MLLT3: variants seen among roughly 807,000 people sequenced by gnomAD.
MLLT3 encodes the protein protein AF-9.
Under a neutral mutation model 53.2 loss-of-function variants are expected in MLLT3, and 4 were observed. The ratio of observed to expected loss-of-function variants is 0.08; its 90% CI spans 0.04 to 0.17. The LOEUF is 0.17. Among genes scored for constraint, MLLT3 ranks in the 10% least tolerant of loss-of-function variants. The pLI, the probability that MLLT3 is intolerant of heterozygous loss-of-function variation, is 1.00. For synonymous variants in MLLT3, 283 were observed against 230.6 expected, an observed-to-expected ratio of 1.23 and a Z score of -2.06; for missense variants, 569 against 684.0, an observed-to-expected ratio of 0.83 and a Z score of 1.87.
rs548837193 is a variant in MLLT3 at position 20,466,054 on chromosome 9, T to C, written c.194-9268A>G. 3.3e-5 allele frequency among the ~76,000 whole-genome samples: 5 copies of C among 152,118 alleles called. No homozygotes were observed. The East Asian group carries it at 7.7e-4, about 23-fold the overall frequency. On this transcript the variant is annotated intron_variant, in intron 2 of 10. Coordinates refer to ENST00000380338, the MANE Select transcript of MLLT3 (RefSeq NM_004529.4). ...TTTAAGTGATTCTACAAAAAGGGTA[T>C]TTGTCCCAAACAATGAAAAACTGAA...
At chr9:20,378,189 T>A (rs1376899043) in intron 5 of MLLT3, among the ~76,000 whole-genome samples, 1 of 152,108 alleles carries the variant, frequency 6.6e-6, no homozygotes, top group Non-Finnish European at 1.5e-5. Context: ...AACTTATTCT[T>A]GTACATAATA....
intron 4 of MLLT3, among the ~76,000 whole-genome samples, chr9:20,434,611 G>A (rs1481841649): frequency 6.6e-6 from 1 of 152,160 alleles, no homozygotes; most frequent in Non-Finnish European, 1.5e-5. Flanking sequence ...ATCCTAAGAG[G>A]AATCGAAATG....
At chr9:20,460,417 T>G (rs1345963121) in intron 2 of MLLT3, among the ~76,000 whole-genome samples, 1 of 152,252 alleles carries the variant, frequency 6.6e-6, no homozygotes, top group Admixed American at 6.5e-5. Context: ...CATGTTCTAT[T>G]ATATGCATAT....
At chr9:20,429,152 G>T (rs1278422878) in intron 4 of MLLT3, among the ~76,000 whole-genome samples, 2 of 152,096 alleles carry the variant, frequency 1.3e-5, no homozygotes, top group Non-Finnish European at 2.9e-5. Context: ...GTGCTCTCTT[G>T]AGGCCAGAAG....
rs2131218138 is a variant in MLLT3 at position 20,620,212 on chromosome 9, C to A, written c.193+442G>T. ...GAACAATAACTACATCCAATACATT[C>A]TTTGCTAATAACACAGGTAAATCTT... On this transcript the variant is annotated intron_variant, in intron 2 of 10. Transcript: ENST00000380338. This position sits in a 1 kb window ranked among gnomAD's most constrained non-coding sequence, Gnocchi z 6.1. Among the ~76,000 whole-genome samples, 1 of 151,766 alleles carries A rather than the reference C, an allele frequency of 6.6e-6. No homozygotes were observed. Among genetic ancestry groups the A allele is most frequent in the South Asian group, 2.1e-4 (1 of 4,808 alleles).
chr9:20,421,178 C>T (rs1822999314), intron 4 of MLLT3, among the ~76,000 whole-genome samples: 1 of 152,100 alleles, frequency 6.6e-6, no homozygotes, highest in Admixed American at 6.5e-5. Flanking sequence ...GCAGGAAAAT[C>T]ACTTAAACCT....
chr9:20,450,876 G>T (rs147485317), intron 3 of MLLT3, among the ~76,000 whole-genome samples: 2,182 of 152,196 alleles, frequency 0.014, 25 homozygotes, highest in Non-Finnish European at 0.023. Flanking sequence ...CATGTAACTG[G>T]GAGCATAAAC....
At chr9:20,473,025 C>T (rs1586976075) in intron 2 of MLLT3, among the ~76,000 whole-genome samples, 2 of 151,990 alleles carry the variant, frequency 1.3e-5, no homozygotes, top group East Asian at 3.8e-4. Context: ...TTTAGAAATA[C>T]CAGTTTTTGG....
intron 2 of MLLT3, among the ~76,000 whole-genome samples, chr9:20,542,911 G>C (rs1818680494): frequency 6.6e-6 from 1 of 152,230 alleles, no homozygotes; most frequent in Admixed American, 6.5e-5. Flanking sequence ...ACTTGCTGCA[G>C]CTTCTACGTC....
In MLLT3 at chr9:20,363,562, A is replaced by G. The variant is rs750700194; in HGVS notation, c.1245T>C (p.Asn415=). ...CCTCCACTTCATCTGATTCCTCCTCATTGTCATCAGAATGCAGATCTTTCA... is the reference window on the plus strand; with the variant it reads ...CCTCCACTTCATCTGATTCCTCCTCGTTGTCATCAGAATGCAGATCTTTCA... The part of the protein sequence containing the change: ...SIMKDLHSDD[N]EEESDEVEDN... Residue 415 remains asparagine, a synonymous_variant, in exon 7 of 11, where the codon AAT becomes AAC. Coordinates refer to ENST00000380338, the MANE Select transcript of MLLT3 (RefSeq NM_004529.4). The G allele has an allele frequency of 6.2e-7, 1 of 1,613,942 alleles. No homozygotes were observed. The highest frequency in any genetic ancestry group is 8.5e-7 in the Non-Finnish European group (1 of 1,179,898).
At chr9:20,600,145 C>CAAA (rs11446057) in intron 2 of MLLT3, among the ~76,000 whole-genome samples, 30 of 145,640 alleles carry the variant, frequency 2.1e-4, no homozygotes, top group African/African-American at 7.6e-4. Flanking sequence ...AAACAAAAAA[C>CAAA]AAAAAAAAAA....
intron 2 of MLLT3, among the ~76,000 whole-genome samples, chr9:20,506,301 G>A (rs1265807376): frequency 3.3e-5 from 5 of 152,072 alleles, no homozygotes; most frequent in East Asian, 3.9e-4. Flanking sequence ...TCAGCCTCCC[G>A]AAGTGCTGGG....
At chr9:20,409,653 C>T (rs544093436) in intron 5 of MLLT3, among the ~76,000 whole-genome samples, 16 of 152,226 alleles carry the variant, frequency 1.1e-4, no homozygotes, top group African/African-American at 3.1e-4. Flanking sequence ...TTAACAAAAA[C>T]ATTCCCCTAT....
At chr9:20,379,614 G>A (rs991980622) in intron 5 of MLLT3, among the ~76,000 whole-genome samples, 3 of 152,158 alleles carry the variant, frequency 2.0e-5, no homozygotes, top group African/African-American at 4.8e-5. Context: ...TCCCCTTAGG[G>A]AGAAATATTT....
intron 2 of MLLT3, among the ~76,000 whole-genome samples, chr9:20,484,676 G>C (rs1277782944): frequency 6.6e-6 from 1 of 152,056 alleles, no homozygotes; most frequent in Non-Finnish European, 1.5e-5. Context: ...CATGAAATTT[G>C]CTTCTTTGTC....
rs1038093759 is a variant in MLLT3, at chr9:20,409,022, A to T, written c.1125+4699T>A. ...CCTTCAAGAAGGTTTTCTCCAAGAAAACCCCTTGGTAAGCTCCAACTATCA... is the reference window on the plus strand; with the variant it reads ...CCTTCAAGAAGGTTTTCTCCAAGAATACCCCTTGGTAAGCTCCAACTATCA... On this transcript the variant is annotated intron_variant, in intron 5 of 10. Coordinates refer to ENST00000380338, the MANE Select transcript of MLLT3 (RefSeq NM_004529.4). 4.6e-5 allele frequency among the ~76,000 whole-genome samples: 7 copies of T among 152,150 alleles called. No homozygotes were observed. In the East Asian group the frequency reaches 1.3e-3, roughly 29 times the overall value.
At chr9:20,486,584 C>T (rs932248386) in intron 2 of MLLT3, among the ~76,000 whole-genome samples, 16 of 152,234 alleles carry the variant, frequency 1.1e-4, no homozygotes, top group Middle Eastern at 3.4e-3. Flanking sequence ...TTCCACCTCA[C>T]GATTTTCTGA....
intron 5 of MLLT3, among the ~76,000 whole-genome samples, chr9:20,379,257 C>T (rs1198181682): frequency 6.6e-6 from 1 of 152,016 alleles, no homozygotes; most frequent in Non-Finnish European, 1.5e-5. Flanking sequence ...AAAGCAAATA[C>T]TCTAACTTGA....
intron 2 of MLLT3, among the ~76,000 whole-genome samples, chr9:20,475,325 C>G (rs1004913922): frequency 2.0e-5 from 3 of 152,046 alleles, no homozygotes; most frequent in Non-Finnish European, 4.4e-5. Flanking sequence ...CCTAAAAAGA[C>G]TTATCCCATC....
Sources: gnomAD v4.1 joint callset for allele counts (sites outside exome capture counted in the v4.1 genomes callset) on GRCh38, gnomAD v4.1.1 for gene constraint, Gnocchi (gnomAD v3.1) non-coding constraint, MANE v1.5 for transcripts, NCBI Gene and HGNC (gene_info 2026-07-23, HGNC 2026-07-21) for gene names.